The following PLCXD1 variants were observed in gnomAD, a reference collection of about 807,000 sequenced individuals.
The protein encoded by PLCXD1 is phosphatidylinositol specific phospholipase C X domain containing 1, also known as PI-PLC X domain-containing protein 1.
In PLCXD1, 45 loss-of-function variants were observed where a neutral mutation model predicts 37.8. The ratio of observed to expected loss-of-function variants is 1.19; its 90% CI spans 0.94 to 1.53. The LOEUF (loss-of-function observed/expected upper bound fraction) is 1.53, where lower values mean the gene tolerates loss of function less well. Ranked by LOEUF, PLCXD1 falls within the 40% of genes most tolerant of loss-of-function variation. The probability of loss-of-function intolerance (pLI) is 0.00; values close to 1 mark genes in which losing one functional copy is unlikely to be tolerated. For missense variants in PLCXD1, 539 were observed against 454.7 expected (o/e 1.19, Z -1.69); for synonymous variants, 246 against 206.9 (o/e 1.19, Z -1.62).
rs768776386 is a variant in PLCXD1, at chrX:285,748, CACAT to C, written c.127+1438_127+1441del. ...ACACTCACATATAGGCATACGGACA[CACAT>C]ACACATGCACACAGATACGTATTGT... On this transcript the variant is annotated intron_variant, in intron 2 of 6. Coordinates refer to ENST00000381657, the MANE Select transcript of PLCXD1 (RefSeq NM_018390.4). 2.2e-4 allele frequency among the ~76,000 whole-genome samples: 34 copies of C among 152,278 alleles called. No individual in the cohort carries two copies. In the South Asian group the frequency reaches 6.4e-3, roughly 29 times the overall value.
chrX:290,865 AG>A (rs2069610882), intron 4 of PLCXD1, 89 bp downstream of exon 4: 4 of 619,864 alleles, frequency 6.5e-6, no homozygotes, highest in South Asian at 2.0e-5. Context: ...GTGGGAAGCA[AG>A]GGGGACAGCG....
At position 299,276 on chromosome X, in the gene PLCXD1, G is replaced by C. The variant is rs749474078; in HGVS notation, c.913G>C (p.Gly305Arg). 1 of 1,613,772 alleles carries C rather than the reference G, an allele frequency of 6.2e-7. No homozygotes were observed. Among genetic ancestry groups the C allele is most frequent in the Non-Finnish European group, 8.5e-7 (1 of 1,179,842 alleles). ...CTNIIAGDFI[G>R]ADGFVSDVIA... The stretch of plus-strand genomic sequence containing the variant: ...CAACATCATCGCGGGGGACTTCATC[G>C]GCGCAGACGGCTTCGTCAGTGACGT... The change falls in exon 7 of 7, where the codon GGC (glycine) becomes CGC (arginine). Residue 305 changes from glycine (G) to arginine (R), a missense_variant. Gly to Arg is a moderately radical substitution (Grantham distance 125). Transcript: ENST00000381657.
intron 2 of PLCXD1, among the ~76,000 whole-genome samples, chrX:286,802 C>T (rs1414228385): frequency 6.6e-6 from 1 of 152,108 alleles, no homozygotes; most frequent in African/African-American, 2.4e-5. Context: ...GGCTATTTAT[C>T]TTACTTCTGT....
chrX:295,527 CTT>C lies in PLCXD1; in HGVS notation c.733+2322_733+2323del, dbSNP rs746610594. ...CGAGGTTTAGAGACTTCAGAAATGT[CTT>C]TTTTTTTTTTTTGAGGTGGAGTCTC... is the stretch of plus-strand genomic sequence containing the variant. On this transcript the variant is annotated intron_variant, in intron 6 of 6. Coordinates refer to ENST00000381657, the MANE Select transcript of PLCXD1 (RefSeq NM_018390.4). Among the ~76,000 whole-genome samples, 218 of 144,176 alleles carry C rather than the reference CTT, an allele frequency of 1.5e-3. 1 individual carries two copies. Among genetic ancestry groups the C allele is most frequent in the African/African-American group, 4.7e-3 (186 of 39,284 alleles). 94.6% of individuals were successfully genotyped at this position (144,176 alleles called of 152,430 possible). A position where few individuals can be genotyped will look rare whatever the true frequency, so the allele number is the denominator to read the frequency against.
chrX:291,366 A>G, intron 4 of PLCXD1, 133 bp from the exon 5 acceptor site: 1 of 930,724 alleles, frequency 1.1e-6, no homozygotes, highest in South Asian at 1.5e-5. Context: ...GGCTGGTCTC[A>G]AACTCCTAAC....
intron 5 of PLCXD1, among the ~76,000 whole-genome samples, chrX:292,375 T>TG (rs1436073005): frequency 6.6e-6 from 1 of 151,710 alleles, no homozygotes; most frequent in Non-Finnish European, 1.5e-5. Context: ...AGGAGAATGG[T>TG]GTGAACCCGG....
intron 2 of PLCXD1, among the ~76,000 whole-genome samples, chrX:288,408 C>G (rs1463777363): frequency 6.6e-6 from 1 of 152,200 alleles, no homozygotes; most frequent in African/African-American, 2.4e-5. Flanking sequence ...CTGCCTCCGT[C>G]TCCACGAGGC....
intron 6 of PLCXD1, among the ~76,000 whole-genome samples, chrX:293,538 T>A (rs1312855166): frequency 6.6e-6 from 1 of 152,136 alleles, no homozygotes; most frequent in African/African-American, 2.4e-5. Context: ...GGCGGGCAGA[T>A]CACCTGAGGT....
chrX:282,429 G>C (rs775617850), intron 1 of PLCXD1, among the ~76,000 whole-genome samples: 1 of 151,900 alleles, frequency 6.6e-6, no homozygotes, highest in African/African-American at 2.4e-5. Flanking sequence ...ATACAGCTGG[G>C]CACCGTGGCT....
chrX:289,219 C>T (rs2069549976), intron 3 of PLCXD1, among the ~76,000 whole-genome samples: 1 of 152,028 alleles, frequency 6.6e-6, no homozygotes, highest in African/African-American at 2.4e-5. Context: ...TCCTAAGTAC[C>T]TGGGTCTACA....
At chrX:283,966 C>T (rs2069363297) in intron 1 of PLCXD1, 3 of 543,130 alleles carry the variant, frequency 5.5e-6, no homozygotes, top group Admixed American at 3.2e-5. Context: ...ACTGTAACCT[C>T]CACCTCCCGG....
chrX:289,435 C>G (rs931700438), intron 3 of PLCXD1, among the ~76,000 whole-genome samples: 1 of 151,754 alleles, frequency 6.6e-6, no homozygotes, highest in African/African-American at 2.4e-5. Flanking sequence ...CATCGCAGGC[C>G]TCCACTGAGA....
intron 6 of PLCXD1, 132 bp downstream of exon 6, chrX:293,350 G>A: frequency 1.4e-6 from 1 of 705,350 alleles, no homozygotes; most frequent in East Asian, 2.7e-5. Flanking sequence ...AGCTGGGCGT[G>A]GTAATCCCTG....
At chrX:287,088 C>T (rs1326330581) in intron 2 of PLCXD1, among the ~76,000 whole-genome samples, 1 of 151,954 alleles carries the variant, frequency 6.6e-6, no homozygotes, top group African/African-American at 2.4e-5. Context: ...CTTTGGGAAG[C>T]CAAGGCAGGA....
In PLCXD1 at chrX:288,920, C is replaced by T. The variant is rs772123883; in HGVS notation, c.264+51C>T. On this transcript the variant is annotated intron_variant, in intron 3 of 6. Transcript: ENST00000381657. ...ACCTGGCCTGTCAGCTATGTGGGGC[C>T]CACGGCCCCGTGGTGCTGAAATGGC... 43 of 1,585,600 alleles carry T rather than the reference C, an allele frequency of 2.7e-5. No individual in the cohort carries two copies. The Admixed American group carries it at 6.7e-4, about 25-fold the overall frequency.
At chrX:292,905 G>A (rs757904880) in intron 5 of PLCXD1, 130 bp from the exon 6 acceptor site, 31 of 599,486 alleles carry the variant, frequency 5.2e-5, no homozygotes, top group Middle Eastern at 4.7e-4. Flanking sequence ...CAGCCACTGC[G>A]CCCGGCCAGA....
At chrX:293,753 C>T (rs902412037) in intron 6 of PLCXD1, among the ~76,000 whole-genome samples, 6 of 152,144 alleles carry the variant, frequency 3.9e-5, no homozygotes, top group Non-Finnish European at 7.3e-5. Flanking sequence ...ACATCACGCT[C>T]AGTGAGAGAA....
At chrX:294,611 C>G (rs1429891991) in intron 6 of PLCXD1, among the ~76,000 whole-genome samples, 1 of 151,764 alleles carries the variant, frequency 6.6e-6, no homozygotes, top group Admixed American at 6.6e-5. Flanking sequence ...GCCTGGGCGA[C>G]AGGAGCAAGA....
chrX:289,702 A>T lies in PLCXD1; in HGVS notation c.264+833A>T, dbSNP rs1304425241. Reference sequence around the variant, plus strand: ...AATTTTTGGTATTTTGAGTAGAGTCAGGGTTTCACTGTGTTAGCCAGGATG... The same window carrying T: ...AATTTTTGGTATTTTGAGTAGAGTCTGGGTTTCACTGTGTTAGCCAGGATG... On this transcript the variant is annotated intron_variant, in intron 3 of 6. Coordinates refer to ENST00000381657, the MANE Select transcript of PLCXD1 (RefSeq NM_018390.4). Among the ~76,000 whole-genome samples the T allele has an allele frequency of 4.7e-5, 7 of 148,954 alleles. No homozygotes were observed. In the East Asian group the frequency reaches 1.0e-3, roughly 22 times the overall value.
Sources: gnomAD v4.1 joint callset for allele counts (sites outside exome capture counted in the v4.1 genomes callset) on GRCh38, gnomAD v4.1.1 for gene constraint, MANE v1.5 for transcripts, NCBI Gene and HGNC (gene_info 2026-07-23, HGNC 2026-07-21) for gene names.